SERPINI2: variants seen among roughly 807,000 people sequenced by gnomAD.
The protein encoded by SERPINI2 is serpin I2.
A neutral mutation model predicts 47.3 loss-of-function variants in SERPINI2; 48 were observed. The ratio of observed to expected loss-of-function variants is 1.02; its 90% confidence interval spans 0.81 to 1.29. The LOEUF (loss-of-function observed/expected upper bound fraction) is 1.29. SERPINI2 is among the 50% of genes most tolerant of loss of function. The pLI is 0.00. For missense variants in SERPINI2, 448 were observed against 456.9 expected (o/e 0.98, Z 0.18); for synonymous variants, 135 against 149.3 (o/e 0.90, Z 0.70).
chr3:167,471,500 A>G, intron 2 of SERPINI2, 88 bp downstream of exon 2: 1 of 1,307,296 alleles, frequency 7.6e-7, no homozygotes, highest in Non-Finnish European at 1.0e-6. Context: ...TTCACTTATT[A>G]AAATTTCTTT....
chr3:167,444,235 T>C (rs1402312968), intron 8 of SERPINI2, among the ~76,000 whole-genome samples: 1 of 152,184 alleles, frequency 6.6e-6, no homozygotes, highest in African/African-American at 2.4e-5. Flanking sequence ...TCTCAAAGCC[T>C]ATAAAGTTGG....
intron 5 of SERPINI2, among the ~76,000 whole-genome samples, chr3:167,463,656 C>T (rs1311318875): frequency 6.6e-6 from 1 of 152,110 alleles, no homozygotes; most frequent in East Asian, 1.9e-4. Flanking sequence ...GAGGATACTT[C>T]TTTCTCCACA....
chr3:167,472,245 G>A (rs1165290675), intron 1 of SERPINI2, among the ~76,000 whole-genome samples: 1 of 151,954 alleles, frequency 6.6e-6, no homozygotes, highest in Non-Finnish European at 1.5e-5. Context: ...GTAATTTATA[G>A]ATCAAGAGGA....
rs181716798 is a variant in SERPINI2 at position 167,456,637 on chromosome 3, C to T, written c.867-3604G>A. 2.8e-3 allele frequency among the ~76,000 whole-genome samples: 422 copies of T among 152,270 alleles called. 5 individuals carry two copies. Among genetic ancestry groups the T allele is most frequent in the Admixed American group, 0.024 (373 of 15,288 alleles). On this transcript the variant is annotated intron_variant, in intron 5 of 8. Transcript: ENST00000264677. ...TGCCCTACAGTCACCTGTTTTCAGA[C>T]GTCTGGCTGACCTCTTCTAGTATTG...
chr3:167,451,218 T>G (rs1242942923), intron 6 of SERPINI2, among the ~76,000 whole-genome samples: 2 of 152,128 alleles, frequency 1.3e-5, no homozygotes, highest in Non-Finnish European at 2.9e-5. Context: ...TTAGAATGCT[T>G]ACACTCAGAA....
intron 5 of SERPINI2, 121 bp from the exon 6 acceptor site, chr3:167,453,154 A>G: frequency 3.8e-6 from 2 of 527,520 alleles, no homozygotes; most frequent in South Asian, 3.4e-5. Flanking sequence ...TATTATCTCA[A>G]TTACATTTTC....
At chr3:167,462,240 A>C (rs1200839282) in intron 5 of SERPINI2, among the ~76,000 whole-genome samples, 1 of 150,836 alleles carries the variant, frequency 6.6e-6, no homozygotes, top group Non-Finnish European at 1.5e-5. Context: ...ATTTGCTTAA[A>C]CATTGAAGTT....
intron 8 of SERPINI2, among the ~76,000 whole-genome samples, chr3:167,444,515 C>T (rs1749416964): frequency 1.3e-5 from 2 of 152,126 alleles, no homozygotes; most frequent in South Asian, 2.1e-4. Context: ...TAATAGTTCA[C>T]TATGGTGATG....
At position 167,467,815 on chromosome 3, in the gene SERPINI2, A is replaced by G. The variant is rs114949064; in HGVS notation, c.248-530T>C. ...AGGCAACCTCTGTAATCATCTCTAG[A>G]GATGCGTAAGAATCAGAATTGCCTA... On this transcript the variant is annotated intron_variant, in intron 2 of 8. Transcript: ENST00000264677. Among the ~76,000 whole-genome samples the G allele has an allele frequency of 9.9e-3, 1,504 of 152,264 alleles. 21 individuals are homozygous for G. The highest frequency in any genetic ancestry group is 0.035 in the African/African-American group (1,437 of 41,550).
intron 6 of SERPINI2, among the ~76,000 whole-genome samples, chr3:167,449,913 A>G (rs1291455472): frequency 6.6e-6 from 1 of 152,254 alleles, no homozygotes; most frequent in Non-Finnish European, 1.5e-5. Context: ...TGACATATAT[A>G]CAGAGAGAGA....
At chr3:167,465,142 G>A in intron 5 of SERPINI2, 64 bp downstream of exon 5, 1 of 1,366,230 alleles carries the variant, frequency 7.3e-7, no homozygotes, top group Non-Finnish European at 1.0e-6. Context: ...CCTTTCAGCT[G>A]ACTGCTCAAA....
chr3:167,444,210 C>T (rs1329135905), intron 8 of SERPINI2, among the ~76,000 whole-genome samples: 1 of 152,072 alleles, frequency 6.6e-6, no homozygotes, highest in Non-Finnish European at 1.5e-5. Context: ...TCATGAGTAT[C>T]CTTCACAATT....
intron 5 of SERPINI2, among the ~76,000 whole-genome samples, chr3:167,458,401 C>T (rs1341967545): frequency 6.6e-6 from 1 of 150,788 alleles, no homozygotes; most frequent in East Asian, 1.9e-4. Flanking sequence ...CAGGCGCCTG[C>T]CACCACGCCT....
chr3:167,475,026 A>G (rs1750447820), upstream of SERPINI2, among the ~76,000 whole-genome samples: 1 of 151,738 alleles, frequency 6.6e-6, no homozygotes, highest in South Asian at 2.1e-4. Flanking sequence ...ACATCTTTCC[A>G]TGTCCTAACA....
intron 7 of SERPINI2, among the ~76,000 whole-genome samples, chr3:167,448,616 G>A (rs1359881619): frequency 1.3e-5 from 2 of 152,114 alleles, no homozygotes; most frequent in African/African-American, 4.8e-5. Context: ...TCTGCCTCCT[G>A]GGTTCACGCC....
chr3:167,460,399 A>G (rs1257487962), intron 5 of SERPINI2, among the ~76,000 whole-genome samples: 2 of 152,202 alleles, frequency 1.3e-5, no homozygotes, highest in Admixed American at 6.5e-5. Flanking sequence ...TTTGGGAGAA[A>G]TGTATTTCAG....
At chr3:167,471,681 T>A in exon 2 of SERPINI2, 5 of 1,613,598 alleles carry the variant, frequency 3.1e-6, no homozygotes, top group Non-Finnish European at 4.2e-6. Context: ...ACCAAAGTTA[T>A]TCCAAGGGGT....
intron 1 of SERPINI2, among the ~76,000 whole-genome samples, chr3:167,472,549 G>A (rs1750363222): frequency 6.6e-6 from 1 of 151,812 alleles, no homozygotes; most frequent in African/African-American, 2.4e-5. Flanking sequence ...AAACCTTAGT[G>A]TCAGGCCATA....
exon 8 of SERPINI2, chr3:167,446,433 G>A (rs2108150531): frequency 6.2e-7 from 1 of 1,610,302 alleles, no homozygotes; most frequent in Middle Eastern, 1.7e-4. Flanking sequence ...TGGATGATTT[G>A]CTATAAATTG....
Sources: gnomAD v4.1 joint callset for allele counts (sites outside exome capture counted in the v4.1 genomes callset) on GRCh38, gnomAD v4.1.1 for gene constraint, MANE v1.5 for transcripts, NCBI Gene and HGNC (gene_info 2026-07-23, HGNC 2026-07-21) for gene names.